AGBL1: variants seen among roughly 807,000 people sequenced by gnomAD.
The protein encoded by AGBL1 is cytosolic carboxypeptidase 4.
A neutral mutation model predicts 118.9 loss-of-function variants in AGBL1; 130 were observed. That is an observed-to-expected ratio of 1.09 (90% confidence interval 0.95 to 1.26). The LOEUF is 1.26. Ranked by LOEUF, AGBL1 falls within the 50% of genes most tolerant of loss-of-function variation. AGBL1 has a pLI of 0.00. For synonymous variants in AGBL1, 555 were observed against 478.9 expected (o/e 1.16, Z -2.08); for missense variants, 1,584 against 1,298.1 (o/e 1.22, Z -3.38).
intron 17 of AGBL1, among the ~76,000 whole-genome samples, chr15:86,368,751 A>G (rs2080928225): frequency 6.6e-6 from 1 of 152,210 alleles, no homozygotes; most frequent in Non-Finnish European, 1.5e-5. Context: ...CCAGAAGAGA[A>G]TGAAGGGAAT....
At chr15:86,122,742 G>A (rs779852072) in intron 1 of AGBL1, among the ~76,000 whole-genome samples, 10 of 152,298 alleles carry the variant, frequency 6.6e-5, no homozygotes, top group Middle Eastern at 6.8e-3. Context: ...CAACTGAGTG[G>A]ACCCTTCCTC....
chr15:86,143,548 C>A (rs1237206108), intron 2 of AGBL1, among the ~76,000 whole-genome samples, 151 bp from the exon 3 acceptor site: 2 of 152,230 alleles, frequency 1.3e-5, no homozygotes, highest in East Asian at 1.9e-4. Context: ...GATAGTACAA[C>A]TTTAACACAG....
chr15:86,405,212 A>G lies in AGBL1; in HGVS notation c.2555+7666A>G, dbSNP rs546973536. On this transcript the variant is annotated intron_variant, in intron 18 of 22. Coordinates refer to ENST00000614907, the MANE Select transcript of AGBL1 (RefSeq NM_001386094.1). ...GTTTCAGCTATGCTACTGGGCTTTAAAGAAAGTGCCTATGCCTGGCCGGGC... is the reference window on the plus strand; with the variant it reads ...GTTTCAGCTATGCTACTGGGCTTTAGAGAAAGTGCCTATGCCTGGCCGGGC... 2.0e-5 allele frequency among the ~76,000 whole-genome samples: 3 copies of G among 152,316 alleles called. No individual in the cohort carries two copies. In the East Asian group the frequency reaches 5.8e-4, roughly 29 times the overall value.
chr15:86,777,956 C>T (rs146114483), intron 22 of AGBL1, among the ~76,000 whole-genome samples: 1,607 of 152,198 alleles, frequency 0.011, 29 homozygotes, highest in African/African-American at 0.036. Context: ...AGCCAGATAT[C>T]GGGCGAAGTT....
intron 21 of AGBL1, among the ~76,000 whole-genome samples, chr15:86,609,019 A>C (rs574511555): frequency 6.6e-6 from 1 of 152,180 alleles, no homozygotes; most frequent in East Asian, 1.9e-4. Flanking sequence ...CACACTTTGC[A>C]TAATTTTAAA....
At chr15:86,171,459 C>A (rs142613438) in intron 5 of AGBL1, among the ~76,000 whole-genome samples, 1 of 152,004 alleles carries the variant, frequency 6.6e-6, no homozygotes, top group Non-Finnish European at 1.5e-5. Context: ...AATTTGAAAA[C>A]GTACACTAAA....
At chr15:86,477,243 G>A (rs1280343301) in intron 18 of AGBL1, among the ~76,000 whole-genome samples, 1 of 120,826 alleles carries the variant, frequency 8.3e-6, no homozygotes, top group African/African-American at 3.5e-5. Context: ...GAGTAGAACT[G>A]AAGGAGATAG....
At chr15:86,692,244 C>T (rs988110562) in intron 22 of AGBL1, among the ~76,000 whole-genome samples, 9 of 151,890 alleles carry the variant, frequency 5.9e-5, no homozygotes, top group African/African-American at 1.9e-4. Context: ...GAATTGTTCT[C>T]GAATCAGTCC....
At chr15:86,506,962 T>G (rs200747368) in intron 18 of AGBL1, among the ~76,000 whole-genome samples, 9 of 152,212 alleles carry the variant, frequency 5.9e-5, no homozygotes, top group African/African-American at 2.2e-4. Flanking sequence ...AAAAGTCATA[T>G]TGCCTATGTT....
chr15:87,003,345 A>T (rs2081461125), intron 24 of AGBL1, among the ~76,000 whole-genome samples: 2 of 151,418 alleles, frequency 1.3e-5, no homozygotes, highest in Admixed American at 1.3e-4. Flanking sequence ...ATCATGGTGG[A>T]TAAGGTTTTT....
chr15:86,198,719 G>A (rs905765417), intron 5 of AGBL1, among the ~76,000 whole-genome samples: 7 of 151,900 alleles, frequency 4.6e-5, no homozygotes, highest in Non-Finnish European at 1.0e-4. Context: ...TTGAGGGAGG[G>A]CCATGTAAGA....
At chr15:86,969,195 G>A (rs1281493583) in intron 23 of AGBL1, among the ~76,000 whole-genome samples, 3 of 151,910 alleles carry the variant, frequency 2.0e-5, no homozygotes, top group Non-Finnish European at 4.4e-5. Context: ...GTGTGGGTGA[G>A]ACTCAAGGTA....
In AGBL1 at chr15:86,143,720, A is replaced by G; in HGVS notation, c.137A>G (p.Tyr46Cys). The change falls in exon 3 of 23, where the codon TAC (tyrosine) becomes TGC (cysteine). Residue 46 changes from tyrosine (Y) to cysteine (C), a missense_variant. Coordinates refer to ENST00000614907, the MANE Select transcript of AGBL1 (RefSeq NM_001386094.1). ...TCAGGCACAGACCGGAGAATTCACT[A>G]CATGATCAGCAAGGGTGGCAGTGAA... ...LSVGTDRRIHYMISKGGSEAL... is the reference protein window; with the variant it reads ...LSVGTDRRIHCMISKGGSEAL... 1.9e-6 allele frequency: 3 copies of G among 1,613,756 alleles called. No homozygotes were observed. Among genetic ancestry groups the G allele is most frequent in the Non-Finnish European group, 2.5e-6 (3 of 1,179,728 alleles).
At chr15:86,256,708 C>G in intron 7 of AGBL1, 145 bp from the exon 8 acceptor site, 1 of 725,594 alleles carries the variant, frequency 1.4e-6, no homozygotes, top group Non-Finnish European at 2.2e-6. Flanking sequence ...AGGCTGTTTA[C>G]GGTCTGTCCA....
intron 19 of AGBL1, among the ~76,000 whole-genome samples, chr15:86,525,533 G>A (rs1477814476): frequency 6.6e-6 from 1 of 152,062 alleles, no homozygotes; most frequent in Admixed American, 6.6e-5. Context: ...TATAAAAGTA[G>A]GCACATAGAC....
At chr15:86,626,621 A>T (rs965756098) in intron 21 of AGBL1, among the ~76,000 whole-genome samples, 2 of 152,210 alleles carry the variant, frequency 1.3e-5, no homozygotes, top group Non-Finnish European at 2.9e-5. Flanking sequence ...TACCTATGTA[A>T]CAAACCTGCA....
At chr15:86,633,784 GTATA>G (rs371259520) in intron 21 of AGBL1, among the ~76,000 whole-genome samples, 15 of 107,500 alleles carry the variant, frequency 1.4e-4, no homozygotes, top group African/African-American at 1.8e-4. Flanking sequence ...TTATGTGTGT[GTATA>G]TATATATAAT....
At chr15:86,559,493 C>A (rs1201346245) in intron 21 of AGBL1, among the ~76,000 whole-genome samples, 1 of 152,064 alleles carries the variant, frequency 6.6e-6, no homozygotes, top group Non-Finnish European at 1.5e-5. Context: ...TCTTGGAAGA[C>A]AAATTTGAGA....
downstream of AGBL1, among the ~76,000 whole-genome samples, chr15:86,916,761 G>T: frequency 6.6e-6 from 1 of 152,208 alleles, no homozygotes; most frequent in South Asian, 2.1e-4. Context: ...CTGTGCTGGC[G>T]GGGCCTGCAG....
Sources: allele counts gnomAD v4.1 joint callset (sites outside exome capture counted in the v4.1 genomes callset), GRCh38; gene constraint gnomAD v4.1.1; transcripts MANE v1.5; gene names NCBI Gene and HGNC (gene_info 2026-07-23, HGNC 2026-07-21).